Variants in PDZRN4 observed in about 807,000 individuals in gnomAD.
The protein encoded by PDZRN4 is PDZ domain containing ring finger 4.
PDZRN4 carries 70 observed loss-of-function variants against 99.0 expected under a neutral mutation model. The ratio of observed to expected loss-of-function variants is 0.71; its 90% CI spans 0.58 to 0.86. The LOEUF is 0.86. Ranked by LOEUF, PDZRN4 falls within the 40% of genes least tolerant of loss-of-function variation. The probability of loss-of-function intolerance (pLI) is 0.00; values close to 1 mark genes in which losing one functional copy is unlikely to be tolerated. For synonymous variants in PDZRN4, 551 were observed against 501.6 expected, an observed-to-expected ratio of 1.10 and a Z score of -1.32; for missense variants, 1,474 against 1,331.2, an observed-to-expected ratio of 1.11 and a Z score of -1.67.
intron 5 of PDZRN4, among the ~76,000 whole-genome samples, chr12:41,519,584 T>C (rs61548934): frequency 0.014 from 2,179 of 151,880 alleles, 26 homozygotes; most frequent in East Asian, 0.043. Context: ...ACTCCTCTGC[T>C]GAAAATTCTT....
chr12:41,405,279 GGGCAAAGGACATGAAC>G (rs1244955490), intron 3 of PDZRN4, among the ~76,000 whole-genome samples: 19 of 152,026 alleles, frequency 1.2e-4, no homozygotes, highest in African/African-American at 4.6e-4. Flanking sequence ...ATTAAAAAAT[GGGCAAAGGACATGAAC>G]AGACACTTCT....
At chr12:41,403,058 A>G (rs1343869642) in intron 3 of PDZRN4, among the ~76,000 whole-genome samples, 1 of 152,112 alleles carries the variant, frequency 6.6e-6, no homozygotes, top group Non-Finnish European at 1.5e-5. Flanking sequence ...GGAAGCCATA[A>G]TAACTTTTAA....
chr12:41,265,294 C>G (rs1334215589), intron 3 of PDZRN4, among the ~76,000 whole-genome samples: 4 of 152,178 alleles, frequency 2.6e-5, no homozygotes, highest in Non-Finnish European at 5.9e-5. Flanking sequence ...AAGACTTCTA[C>G]TGGATCATCA....
intron 3 of PDZRN4, among the ~76,000 whole-genome samples, chr12:41,321,130 A>T (rs1043463437): frequency 3.3e-5 from 5 of 152,316 alleles, no homozygotes; most frequent in South Asian, 2.1e-4. Flanking sequence ...GAACTAAACA[A>T]AAACTTCTCA....
At chr12:41,278,367 A>G (rs998109362) in intron 3 of PDZRN4, among the ~76,000 whole-genome samples, 17 of 152,202 alleles carry the variant, frequency 1.1e-4, no homozygotes, top group African/African-American at 3.9e-4. Context: ...TTTTGTTCAG[A>G]AGGTTAATCA....
intron 3 of PDZRN4, among the ~76,000 whole-genome samples, chr12:41,339,996 C>A (rs1951804719): frequency 6.6e-6 from 1 of 152,022 alleles, no homozygotes; most frequent in Non-Finnish European, 1.5e-5. Context: ...ATTAGTACAG[C>A]CACTATGAAT....
intron 5 of PDZRN4, among the ~76,000 whole-genome samples, chr12:41,538,394 C>G (rs1192719919): frequency 2.0e-5 from 3 of 152,050 alleles, no homozygotes; most frequent in African/African-American, 7.2e-5. Context: ...ATTTAAGAAA[C>G]GTTATATTGT....
intron 3 of PDZRN4, among the ~76,000 whole-genome samples, chr12:41,395,093 C>T (rs1180487317): frequency 6.6e-6 from 1 of 152,066 alleles, no homozygotes; most frequent in Admixed American, 6.6e-5. Flanking sequence ...TGTCCAGGCT[C>T]CCAAAAGTCT....
intron 3 of PDZRN4, among the ~76,000 whole-genome samples, chr12:41,435,914 C>G (rs1439841022): frequency 6.6e-6 from 1 of 152,206 alleles, no homozygotes; most frequent in African/African-American, 2.4e-5. Flanking sequence ...GATGTGAACT[C>G]TAGCATGAGA....
rs570806937 is a variant in PDZRN4 at position 41,451,502 on chromosome 12, T to C, written c.844-54954T>C. On this transcript the variant is annotated intron_variant, in intron 3 of 9. Transcript: ENST00000402685. ...CAAAGCTTTTATAGTGTCACTCCAG[T>C]CTCTTGAAAGCAAAGTAAGTAGGTC... Among the ~76,000 whole-genome samples, 4 of 152,288 alleles carry C rather than the reference T, an allele frequency of 2.6e-5. No homozygotes were observed. The East Asian group carries it at 7.7e-4, about 29-fold the overall frequency.
chr12:41,380,609 C>T (rs1361844439), intron 3 of PDZRN4, among the ~76,000 whole-genome samples: 2 of 151,978 alleles, frequency 1.3e-5, no homozygotes, highest in South Asian at 2.1e-4. Flanking sequence ...TAGAAAACTC[C>T]ATAGTTTTAC....
chr12:41,246,244 ATTTTGATTAGTCCAATATATTC>A, intron 3 of PDZRN4, among the ~76,000 whole-genome samples: 2 of 152,280 alleles, frequency 1.3e-5, no homozygotes, highest in South Asian at 4.1e-4. Flanking sequence ...AATGAATATG[ATTTTGATTAGTCCAATATATTC>A]ATCGAGGTTT....
In PDZRN4 at chr12:41,188,547, C is replaced by G. The variant is rs1190306414; in HGVS notation, c.92C>G (p.Thr31Arg). Residue 31 changes from threonine to arginine, a missense_variant, in exon 1 of 10, where the codon ACG becomes AGG. By Grantham distance (71) the Thr-to-Arg change is moderately conservative (BLOSUM62 -1). Transcript: ENST00000402685. ...CGQVLEEPLC[T>R]PCGHVFCASC... ...CAGGTGCTTGAAGAGCCCCTGTGCACGCCGTGCGGGCACGTCTTCTGCGCC... is the reference window on the plus strand; with the variant it reads ...CAGGTGCTTGAAGAGCCCCTGTGCAGGCCGTGCGGGCACGTCTTCTGCGCC... 14 of 1,566,374 alleles carry G rather than the reference C, an allele frequency of 8.9e-6. No homozygotes were observed. Among genetic ancestry groups the G allele is most frequent in the Non-Finnish European group, 1.2e-5 (14 of 1,164,098 alleles).
chr12:41,571,837 G>T (rs145031305), intron 9 of PDZRN4, among the ~76,000 whole-genome samples: 1 of 152,236 alleles, frequency 6.6e-6, no homozygotes, highest in East Asian at 1.9e-4. Context: ...AGTACATAAT[G>T]TTAACTTAGT....
At chr12:41,567,993 GT>G in intron 9 of PDZRN4, 94 bp downstream of exon 9, 1 of 719,170 alleles carries the variant, frequency 1.4e-6, no homozygotes, top group Non-Finnish European at 2.4e-6. Context: ...AAATCAAAGG[GT>G]TTAATCCATC....
chr12:41,209,793 G>A (rs192836153), intron 3 of PDZRN4, among the ~76,000 whole-genome samples: 4,922 of 148,314 alleles, frequency 0.033, 296 homozygotes, highest in African/African-American at 0.12. Context: ...TGGGAATAGT[G>A]CTGCAATAAA....
intron 3 of PDZRN4, among the ~76,000 whole-genome samples, chr12:41,199,856 T>C (rs1950803088): frequency 6.6e-6 from 1 of 151,944 alleles, no homozygotes; most frequent in Non-Finnish European, 1.5e-5. Context: ...ATGTTGAAGA[T>C]GTGGAAGGGT....
intron 3 of PDZRN4, among the ~76,000 whole-genome samples, chr12:41,368,910 A>C (rs1255843312): frequency 1.3e-5 from 2 of 152,028 alleles, no homozygotes; most frequent in Non-Finnish European, 2.9e-5. Context: ...GGACAATGGA[A>C]GTATACTGTT....
At chr12:41,193,258 G>A (rs1210786646) in intron 2 of PDZRN4, among the ~76,000 whole-genome samples, 2 of 152,046 alleles carry the variant, frequency 1.3e-5, no homozygotes, top group Non-Finnish European at 2.9e-5. Flanking sequence ...ATGACATCGG[G>A]CCTTTTTAAA....
Sources: allele counts gnomAD v4.1 joint callset (sites outside exome capture counted in the v4.1 genomes callset), GRCh38; gene constraint gnomAD v4.1.1; transcripts MANE v1.5; gene names NCBI Gene and HGNC (gene_info 2026-07-23, HGNC 2026-07-21).